The following FAM161B variants were observed in gnomAD, a reference collection of about 807,000 sequenced individuals.
The protein encoded by FAM161B is protein FAM161B.
FAM161B carries 46 observed loss-of-function variants against 61.5 expected under a neutral mutation model. The ratio of observed to expected loss-of-function variants is 0.75; its 90% confidence interval spans 0.59 to 0.96. FAM161B has a LOEUF of 0.96. FAM161B is among the 40% of genes least tolerant of loss of function. The pLI is 0.00. For missense variants in FAM161B, 774 were observed against 800.7 expected (o/e 0.97, Z 0.40); for synonymous variants, 284 against 302.7 (o/e 0.94, Z 0.64).
intron 1 of FAM161B, 28 bp downstream of exon 1, chr14:73,949,945 C>T (rs758440196): frequency 2.5e-6 from 4 of 1,612,354 alleles, no homozygotes; most frequent in Non-Finnish European, 3.4e-6. Context: ...GATTCCTTTC[C>T]CGGGGGCAGT....
intron 4 of FAM161B, 55 bp from the exon 5 acceptor site, chr14:73,941,108 CTTTTTT>C (rs11358501): frequency 1.6e-3 from 1,524 of 953,660 alleles, no homozygotes; most frequent in Admixed American, 2.7e-3. Context: ...TAGTTTCTAT[CTTTTTT>C]TTTTTTTTTT....
At chr14:73,935,503 T>C (rs2055964044) in intron 8 of FAM161B, among the ~76,000 whole-genome samples, 1 of 148,966 alleles carries the variant, frequency 6.7e-6, no homozygotes, top group Admixed American at 6.8e-5. Context: ...CACTCCAGCC[T>C]GGGCAACAGA....
intron 3 of FAM161B, 113 bp from the exon 4 acceptor site, chr14:73,942,828 A>G (rs1242525154): frequency 2.2e-6 from 2 of 924,488 alleles, no homozygotes; most frequent in Non-Finnish European, 3.2e-6. Flanking sequence ...GGCAAGTAGG[A>G]ACTTTTCAGG....
downstream of FAM161B, among the ~76,000 whole-genome samples, chr14:73,929,153 T>G (rs528522466): frequency 6.6e-6 from 1 of 152,358 alleles, no homozygotes; most frequent in South Asian, 2.1e-4. Flanking sequence ...TCACTTCTTT[T>G]GTGTTTTCTT....
At chr14:73,932,245 G>T, downstream of FAM161B, 3 of 334,440 alleles carry the variant, frequency 9.0e-6, no homozygotes, top group Non-Finnish European at 1.7e-5. Flanking sequence ...CAGAGATTCA[G>T]GTTTTCCTTT....
chr14:73,948,951 G>A (rs1415257168), intron 1 of FAM161B, among the ~76,000 whole-genome samples: 4 of 151,336 alleles, frequency 2.6e-5, no homozygotes, highest in Admixed American at 6.6e-5. Flanking sequence ...ACGGAGTCTC[G>A]CTCTGTCGCC....
At position 73,942,633 on chromosome 14, in the gene FAM161B, AGAG is replaced by A. The variant is rs751834019; in HGVS notation, c.1005_1007del (p.Ser337del). 2.4e-5 allele frequency: 39 copies of A among 1,614,142 alleles called. No homozygotes were observed. In the South Asian group the frequency reaches 4.1e-4, roughly 17 times the overall value. The stretch of plus-strand genomic sequence containing the variant: ...GGGGCTGTGGGTTAGCCCGGTTACT[AGAG>A]GAGGCGATAGGGGAAGAGGCCATCT... On this transcript the variant is annotated inframe_deletion, in exon 4 of 9. Coordinates refer to ENST00000286544, the MANE Select transcript of FAM161B (RefSeq NM_152445.3).
Position 73,937,953 on chromosome 14 carries a change from C to G in FAM161B, c.1560G>C (p.Glu520Asp). ...LEEVFKAKLK[E>D]NRNNDRKRAK... ...GACACATAGAGGACACTGACCGGTT[C>G]TCTTTCAGCTTTGCTTTGAACACTT... Residue 520 changes from glutamate (E) to aspartate (D), a missense_variant, in exon 6 of 9, where the codon GAG becomes GAC. Transcript: ENST00000286544. 1 of 1,614,228 alleles carries G rather than the reference C, an allele frequency of 6.2e-7. No homozygotes were observed. Among genetic ancestry groups the G allele is most frequent in the Admixed American group, 1.7e-5 (1 of 60,032 alleles).
intron 5 of FAM161B, among the ~76,000 whole-genome samples, chr14:73,938,440 C>A (rs1047212064): frequency 1.3e-5 from 2 of 151,698 alleles, no homozygotes; most frequent in African/African-American, 4.9e-5. Context: ...GCCTGGGCGA[C>A]AGATCAAATT....
intron 1 of FAM161B, among the ~76,000 whole-genome samples, chr14:73,947,385 C>CAAA (rs35497668): frequency 3.4e-4 from 33 of 96,978 alleles, no homozygotes; most frequent in Admixed American, 7.3e-4. Flanking sequence ...TGCTCCGTCT[C>CAAA]AAAAAAAAAA....
intron 5 of FAM161B, among the ~76,000 whole-genome samples, chr14:73,940,275 G>A (rs889713204): frequency 6.6e-6 from 1 of 152,162 alleles, no homozygotes; most frequent in Non-Finnish European, 1.5e-5. Context: ...TTAAAAATAA[G>A]CAGGCTCTTG....
At chr14:73,942,305 A>G in intron 4 of FAM161B, 64 bp downstream of exon 4, 1 of 1,503,132 alleles carries the variant, frequency 6.7e-7, no homozygotes, top group Non-Finnish European at 9.0e-7. Context: ...TTCCAGGAAG[A>G]CCTGGCCCCA....
Position 73,946,617 on chromosome 14 carries a change from TAG to T in FAM161B, c.55-14_55-13del, listed in dbSNP as rs1168908890. The T allele has an allele frequency of 6.2e-7, 1 of 1,608,486 alleles. No individual in the cohort carries two copies. The highest frequency in any genetic ancestry group is 8.5e-7 in the Non-Finnish European group (1 of 1,176,168). On this transcript the variant is annotated splice_polypyrimidine_tract_variant and intron_variant, in intron 1 of 8. Transcript: ENST00000286544. ...TCGGGGGGAAATATCTAAAATAGAA[TAG>T]AAATAGGCTGTGGGTCAAACAATAA...
the FAM161B span, among the ~76,000 whole-genome samples, chr14:73,923,919 C>T: frequency 3.3e-5 from 5 of 152,164 alleles, no homozygotes. Context: ...GGTGAAATTT[C>T]TGTACCAGAC....
downstream of FAM161B, chr14:73,932,040 C>A: frequency 4.4e-6 from 2 of 456,366 alleles, no homozygotes; most frequent in Middle Eastern, 6.5e-4. Context: ...CTTTAGCAAC[C>A]TGAGTAAGAG....
In FAM161B at chr14:73,936,052, C is replaced by T. The variant is rs764176837; in HGVS notation, c.1702G>A (p.Asp568Asn). Reference sequence around the variant, plus strand: ...TCCAGCCCAGCCTGCTTCAGGGTGTCTAGATACCACTGTTCTGCTTCTTTC... The same window carrying T: ...TCCAGCCCAGCCTGCTTCAGGGTGTTTAGATACCACTGTTCTGCTTCTTTC... ...AKKEAEQWYL[D>N]TLKQAGLEED... is the part of the protein sequence containing the mutation. Residue 568 changes from aspartate (D) to asparagine (N), a missense_variant, in exon 8 of 9, where the codon GAC becomes AAC. Physicochemically the swap from Asp to Asn is conservative, Grantham distance 23. Transcript: ENST00000286544. The T allele has an allele frequency of 4.3e-6, 7 of 1,613,374 alleles. No individual in the cohort carries two copies. The South Asian group carries it at 7.7e-5, about 18-fold the overall frequency.
At position 73,933,702 on chromosome 14, in the gene FAM161B, C is replaced by G. The variant is rs558460565; in HGVS notation, c.*554G>C. Reference sequence around the variant, plus strand: ...CCTTATAGGCATTTGGGCCTGTGCTCTCTTTTCTGTACCTAATTCTCTAAG... The same window carrying G: ...CCTTATAGGCATTTGGGCCTGTGCTGTCTTTTCTGTACCTAATTCTCTAAG... On this transcript the variant is annotated 3_prime_UTR_variant, in exon 9 of 9. Coordinates refer to ENST00000286544, the MANE Select transcript of FAM161B (RefSeq NM_152445.3). 1 of 147,938 alleles carries G rather than the reference C, an allele frequency of 6.8e-6. No homozygotes were observed. The highest frequency in any genetic ancestry group is 2.4e-5 in the African/African-American group (1 of 41,428). The allele number at this position is 147,938 out of a possible 1,614,324, so 9.2% of individuals were successfully genotyped here. A position where few individuals can be genotyped will look rare whatever the true frequency, so the allele number is the denominator to read the frequency against.
intron 8 of FAM161B, among the ~76,000 whole-genome samples, chr14:73,934,800 G>C (rs1346635424): frequency 6.6e-6 from 1 of 152,044 alleles, no homozygotes; most frequent in Admixed American, 6.6e-5. Context: ...GTCTCTCCCA[G>C]CACTTTGGGA....
At chr14:73,935,802 G>A in intron 8 of FAM161B, 147 bp downstream of exon 8, 1 of 806,010 alleles carries the variant, frequency 1.2e-6, no homozygotes, top group East Asian at 3.0e-5. Flanking sequence ...TGTGTTACTT[G>A]GAGATCTCTG....
Sources: allele counts gnomAD v4.1 joint callset (sites outside exome capture counted in the v4.1 genomes callset), GRCh38; gene constraint gnomAD v4.1.1; transcripts MANE v1.5; gene names NCBI Gene and HGNC (gene_info 2026-07-23, HGNC 2026-07-21).